ABHD6: variants seen among roughly 807,000 people sequenced by gnomAD.
ABHD6 encodes abhydrolase domain containing 6, acylglycerol lipase.
Under a neutral mutation model 38.8 loss-of-function variants are expected in ABHD6, and 33 were observed. The observed-to-expected ratio is 0.85, with a 90% CI of 0.64 to 1.14. The LOEUF is 1.14. ABHD6 is among the 50% of genes most tolerant of loss of function. ABHD6 has a pLI of 0.00. For synonymous variants in ABHD6, 147 were observed against 161.6 expected, an observed-to-expected ratio of 0.91 and a Z score of 0.69; for missense variants, 380 against 422.6, an observed-to-expected ratio of 0.90 and a Z score of 0.88.
chr3:58,252,082 G>A (rs906855951), intron 2 of ABHD6, among the ~76,000 whole-genome samples: 1 of 152,154 alleles, frequency 6.6e-6, no homozygotes, highest in Admixed American at 6.5e-5. Flanking sequence ...ACGATGGAGA[G>A]GGCCAGCTGC....
At chr3:58,284,484 A>C (rs1247629370) in intron 7 of ABHD6, among the ~76,000 whole-genome samples, 1 of 148,962 alleles carries the variant, frequency 6.7e-6, no homozygotes, top group Non-Finnish European at 1.5e-5. Flanking sequence ...ATAGAGTCTC[A>C]CTGTCGCCCA....
At chr3:58,254,895 T>A (rs892355513) in intron 2 of ABHD6, among the ~76,000 whole-genome samples, 1 of 149,994 alleles carries the variant, frequency 6.7e-6, no homozygotes, top group Admixed American at 6.6e-5. Flanking sequence ...TATATATATA[T>A]AAAATAGAGA....
In ABHD6 at chr3:58,294,085, A is replaced by C; in HGVS notation, c.*320A>C. On this transcript the variant is annotated 3_prime_UTR_variant, in exon 10 of 10. Transcript: ENST00000478253. ...AGCCACCTTGGACCATAATTAAATC[A>C]AGGACATTTTCTTTGAGACATTCCT... 1 of 218,754 alleles carries C rather than the reference A, an allele frequency of 4.6e-6. No homozygotes were observed. Among genetic ancestry groups the C allele is most frequent in the Non-Finnish European group, 9.0e-6 (1 of 111,252 alleles). The allele number at this position is 218,754 out of a possible 1,614,324, so 13.6% of individuals were successfully genotyped here. A position where few individuals can be genotyped will look rare whatever the true frequency, so the allele number is the denominator to read the frequency against.
intron 2 of ABHD6, among the ~76,000 whole-genome samples, chr3:58,252,440 C>T (rs1283418984): frequency 6.6e-6 from 1 of 151,784 alleles, no homozygotes; most frequent in African/African-American, 2.4e-5. Flanking sequence ...TCTCAAACTC[C>T]TCTACTCAAG....
intron 1 of ABHD6, among the ~76,000 whole-genome samples, chr3:58,249,602 C>A (rs1230719177): frequency 6.6e-6 from 1 of 152,214 alleles, no homozygotes; most frequent in Non-Finnish European, 1.5e-5. Flanking sequence ...TGACTACTTA[C>A]CAGATTTCTT....
chr3:58,262,611 G>A (rs2097437817), intron 3 of ABHD6, among the ~76,000 whole-genome samples: 1 of 152,152 alleles, frequency 6.6e-6, no homozygotes, highest in Non-Finnish European at 1.5e-5. Flanking sequence ...TGTTCTGTAA[G>A]GTTCTGCTTT....
intron 9 of ABHD6, among the ~76,000 whole-genome samples, chr3:58,290,633 C>T (rs2097461811): frequency 6.9e-6 from 1 of 144,106 alleles, no homozygotes; most frequent in South Asian, 2.3e-4. Context: ...AGGGCGGTTG[C>T]CGGGCGGAGG....
chr3:58,245,574 T>G (rs2097425810), intron 1 of ABHD6, among the ~76,000 whole-genome samples: 1 of 151,140 alleles, frequency 6.6e-6, no homozygotes, highest in Non-Finnish European at 1.5e-5. Context: ...AGGCCAGGAG[T>G]TCAAGTCCAG....
intron 7 of ABHD6, among the ~76,000 whole-genome samples, chr3:58,276,984 T>G (rs2097449205): frequency 6.6e-6 from 1 of 152,170 alleles, no homozygotes; most frequent in Non-Finnish European, 1.5e-5. Context: ...TATCTGTTTT[T>G]GTACCAGTAC....
chr3:58,269,453 CA>C lies in ABHD6; in HGVS notation c.390+22del. 1 of 1,581,886 alleles carries C rather than the reference CA, an allele frequency of 6.3e-7. No homozygotes were observed. The highest frequency in any genetic ancestry group is 8.7e-7 in the Non-Finnish European group (1 of 1,152,282). ...ACACCAGGTAAGCAGGAGGCTCTAC[CA>C]AAGATTGCCCAGACTGTCTCAGCCA... On this transcript the variant is annotated intron_variant, in intron 5 of 9. Coordinates refer to ENST00000478253, the MANE Select transcript of ABHD6 (RefSeq NM_001320126.2). This position sits in a 1 kb window ranked among gnomAD's most constrained non-coding sequence, Gnocchi z 4.4.
chr3:58,272,454 A>C (rs2097445766), intron 6 of ABHD6, among the ~76,000 whole-genome samples: 1 of 152,186 alleles, frequency 6.6e-6, no homozygotes, highest in African/African-American at 2.4e-5. Context: ...CTGAAACTTA[A>C]CTAAATTGAC....
At chr3:58,268,554 G>A (rs865849881) in intron 4 of ABHD6, among the ~76,000 whole-genome samples, 2 of 152,122 alleles carry the variant, frequency 1.3e-5, no homozygotes, top group Admixed American at 6.5e-5. Context: ...CCCACATCAG[G>A]CAACACCATA....
At position 58,270,519 on chromosome 3, in the gene ABHD6, A is replaced by AT. The variant is rs1403532150; in HGVS notation, c.391-413_391-412insT. Reference sequence around the variant, plus strand: ...TCATCTCTACAAAAAAAAAAAAAAAAAAAAATCAGCCAGATGTGGTGGTGC... The same window carrying AT: ...TCATCTCTACAAAAAAAAAAAAAAAATAAAAATCAGCCAGATGTGGTGGTGC... On this transcript the variant is annotated intron_variant, in intron 5 of 9. Transcript: ENST00000478253. Among the ~76,000 whole-genome samples the AT allele has an allele frequency of 2.0e-5, 3 of 151,484 alleles. No homozygotes were observed. In the East Asian group the frequency reaches 5.8e-4, roughly 29 times the overall value.
At chr3:58,280,673 T>G (rs2097452430) in intron 7 of ABHD6, among the ~76,000 whole-genome samples, 2 of 152,230 alleles carry the variant, frequency 1.3e-5, no homozygotes, top group African/African-American at 4.8e-5. Context: ...GAAGAGGCGC[T>G]CTGGTTTTTA....
intron 9 of ABHD6, among the ~76,000 whole-genome samples, chr3:58,288,523 T>A (rs2097459154): frequency 6.6e-6 from 1 of 152,200 alleles, no homozygotes; most frequent in Admixed American, 6.5e-5. Flanking sequence ...GCCAGCACCG[T>A]GCCTGGTATG....
rs757491775 is a variant in ABHD6, at chr3:58,280,590, T to C, written c.682-4495T>C. On this transcript the variant is annotated intron_variant, in intron 7 of 9. Transcript: ENST00000478253. Reference sequence around the variant, plus strand: ...TTACTGACCTTCTGAAGCCTACTTCTGTCAGCTCAGCAAAGTCATTTTCCA... The same window carrying C: ...TTACTGACCTTCTGAAGCCTACTTCCGTCAGCTCAGCAAAGTCATTTTCCA... 2.0e-5 allele frequency among the ~76,000 whole-genome samples: 3 copies of C among 152,242 alleles called. No homozygotes were observed. The South Asian group carries it at 6.2e-4, about 32-fold the overall frequency.
Position 58,259,116 on chromosome 3 carries a change from T to C in ABHD6, c.119+2411T>C, listed in dbSNP as rs2097435274. 6.6e-6 allele frequency among the ~76,000 whole-genome samples: 1 copy of C among 152,110 alleles called. No homozygotes were observed. Among genetic ancestry groups the C allele is most frequent in the South Asian group, 2.1e-4 (1 of 4,832 alleles). ...CATGAAATTGAAGGAGAGAACACAA[T>C]TCACTGATGTGGCTCGTAACCATGG... is the stretch of plus-strand genomic sequence containing the variant. On this transcript the variant is annotated intron_variant, in intron 3 of 9. Coordinates refer to ENST00000478253, the MANE Select transcript of ABHD6 (RefSeq NM_001320126.2). This position sits in a 1 kb window ranked among gnomAD's most constrained non-coding sequence, Gnocchi z 4.7.
chr3:58,285,793 C>G lies in ABHD6; in HGVS notation c.837+340C>G, dbSNP rs1411808403. Among the ~76,000 whole-genome samples the G allele has an allele frequency of 6.6e-6, 1 of 152,206 alleles. No individual in the cohort carries two copies. The highest frequency in any genetic ancestry group is 1.5e-5 in the Non-Finnish European group (1 of 68,028). On this transcript the variant is annotated intron_variant, in intron 9 of 9. Coordinates refer to ENST00000478253, the MANE Select transcript of ABHD6 (RefSeq NM_001320126.2). This position sits in a 1 kb window ranked among gnomAD's most constrained non-coding sequence, Gnocchi z 4.9. ...TTTTTCGCATCCCAAATTCCATTCT[C>G]CATTACCATGAGGCAACTCTTATCT...
chr3:58,263,962 G>A lies in ABHD6; in HGVS notation c.120-3227G>A, dbSNP rs2097438941. On this transcript the variant is annotated intron_variant, in intron 3 of 9. Coordinates refer to ENST00000478253, the MANE Select transcript of ABHD6 (RefSeq NM_001320126.2). The surrounding 1 kb of genome is among the most constrained non-coding windows in gnomAD (Gnocchi z 4.9). ...CTCTCTCCCCCACCACTTCATCTGTGTATACTTAACAGTTTTTTTTAACAG... is the reference window on the plus strand; with the variant it reads ...CTCTCTCCCCCACCACTTCATCTGTATATACTTAACAGTTTTTTTTAACAG... Among the ~76,000 whole-genome samples, 1 of 150,956 alleles carries A rather than the reference G, an allele frequency of 6.6e-6. No homozygotes were observed. The highest frequency in any genetic ancestry group is 2.5e-5 in the African/African-American group (1 of 40,662).
Sources: gnomAD v4.1 joint callset for allele counts (sites outside exome capture counted in the v4.1 genomes callset) on GRCh38, gnomAD v4.1.1 for gene constraint, Gnocchi (gnomAD v3.1) non-coding constraint, MANE v1.5 for transcripts, NCBI Gene and HGNC (gene_info 2026-07-23, HGNC 2026-07-21) for gene names.